Variants in DAB1 observed in about 807,000 individuals in gnomAD.
DAB1 encodes the protein DAB adaptor protein 1.
In DAB1, 15 loss-of-function variants were observed where a neutral mutation model predicts 64.6. That is an observed-to-expected ratio of 0.23 (90% CI 0.16 to 0.36). DAB1 has a LOEUF of 0.36. Ranked by LOEUF, DAB1 falls within the 10% of genes least tolerant of loss-of-function variation. The probability of loss-of-function intolerance (pLI) is 1.00; values close to 1 mark genes in which losing one functional copy is unlikely to be tolerated. For synonymous variants in DAB1, 235 were observed against 251.9 expected (o/e 0.93, Z 0.64); for missense variants, 596 against 706.7 (o/e 0.84, Z 1.78).
In DAB1 at chr1:58,105,609, G is replaced by A. The variant is rs142040001; in HGVS notation, n.387+44902C>T. Among the ~76,000 whole-genome samples, 175 of 152,286 alleles carry A rather than the reference G, an allele frequency of 1.1e-3. 2 individuals are homozygous for A. Among genetic ancestry groups the A allele is most frequent in the South Asian group, 7.5e-3 (36 of 4,818 alleles). ...TCAGGTTCCTCATTTATGAAATGTC[G>A]ATGATGATACATACCTGCTTCAACC... On this transcript the variant is annotated intron_variant and non_coding_transcript_variant, in intron 5 of 20. Transcript: ENST00000485760.
At position 57,249,284 on chromosome 1, in the gene DAB1, C is replaced by A. The variant is rs564887232; in HGVS notation, c.67+41680G>T. ...CATCCTATTGAGTATCATGCCCAGGCCTTATTCTAGAAGCTGGACATTTAT... is the reference window on the plus strand; with the variant it reads ...CATCCTATTGAGTATCATGCCCAGGACTTATTCTAGAAGCTGGACATTTAT... On this transcript the variant is annotated intron_variant, in intron 2 of 14. Transcript: ENST00000371236. Among the ~76,000 whole-genome samples the A allele has an allele frequency of 6.6e-5, 10 of 152,240 alleles. No individual in the cohort carries two copies. The South Asian group carries it at 1.7e-3, about 25-fold the overall frequency.
intron 4 of DAB1, among the ~76,000 whole-genome samples, chr1:58,251,475 G>T (rs903656895): frequency 2.0e-5 from 3 of 152,200 alleles, no homozygotes; most frequent in African/African-American, 7.2e-5. Flanking sequence ...ACATCAGGCT[G>T]GGCATTTGGG....
At chr1:57,649,811 T>C (rs1646235288) in intron 6 of DAB1, 2 of 152,142 alleles carry the variant, frequency 1.3e-5, no homozygotes, top group African/African-American at 4.8e-5. Context: ...AAAATAAAAA[T>C]ACCACTGACG....
chr1:58,279,995 G>A (rs1354338893), intron 4 of DAB1, among the ~76,000 whole-genome samples: 1 of 152,056 alleles, frequency 6.6e-6, no homozygotes, highest in Non-Finnish European at 1.5e-5. Context: ...CAAGTGATCA[G>A]GCCTAACCAT....
At chr1:57,880,115 CT>C (rs752112495) in intron 1 of DAB1, 20 of 152,170 alleles carry the variant, frequency 1.3e-4, no homozygotes, top group South Asian at 2.1e-4. Flanking sequence ...CCTACCCCCC[CT>C]AGTACCTTTG....
rs184273953 is a variant in DAB1 at position 57,441,683 on chromosome 1, T to C, written n.626-150517A>G. The stretch of plus-strand genomic sequence containing the variant: ...TCTATTTTCTTTATCCAGTCCACCA[T>C]TGATGGGCACCTAGTTTGATTCCAT... On this transcript the variant is annotated intron_variant and non_coding_transcript_variant, in intron 7 of 20. Coordinates refer to the DAB1 transcript ENST00000485760. Among the ~76,000 whole-genome samples the C allele has an allele frequency of 7.6e-4, 115 of 152,278 alleles. 1 individual carries two copies. In the South Asian group the frequency reaches 0.013, roughly 18 times the overall value.
chr1:57,177,938 C>T (rs1278864606), intron 2 of DAB1, among the ~76,000 whole-genome samples: 3 of 152,108 alleles, frequency 2.0e-5, no homozygotes, highest in African/African-American at 7.2e-5. Flanking sequence ...GACTTTGTCC[C>T]TTTGTCCTCC....
At chr1:57,814,300 C>T (rs1651757560) in intron 6 of DAB1, among the ~76,000 whole-genome samples, 1 of 152,174 alleles carries the variant, frequency 6.6e-6, no homozygotes, top group Non-Finnish European at 1.5e-5. Flanking sequence ...TCTGGCCACA[C>T]ATCAAGTTTT....
chr1:57,946,086 C>T (rs999132587), intron 5 of DAB1, among the ~76,000 whole-genome samples: 4 of 152,186 alleles, frequency 2.6e-5, no homozygotes, highest in African/African-American at 9.7e-5. Flanking sequence ...GTGACAGATA[C>T]AGAACTGGGA....
intron 6 of DAB1, among the ~76,000 whole-genome samples, chr1:57,742,698 C>T (rs1416439117): frequency 6.6e-6 from 1 of 152,090 alleles, no homozygotes; most frequent in African/African-American, 2.4e-5. Flanking sequence ...AGGAAAAGGA[C>T]AGGGCTGTCT....
At chr1:58,492,635 C>T (rs941901310) in intron 3 of DAB1, among the ~76,000 whole-genome samples, 31 of 152,182 alleles carry the variant, frequency 2.0e-4, no homozygotes, top group Admixed American at 2.0e-4. Flanking sequence ...ATACTATAAA[C>T]ACCTCTACAC....
At chr1:58,028,252 T>C (rs577857109) in intron 5 of DAB1, among the ~76,000 whole-genome samples, 89 of 152,356 alleles carry the variant, frequency 5.8e-4, no homozygotes, top group Middle Eastern at 6.8e-3. Flanking sequence ...AAGGCTCTGG[T>C]CAAAACATTT....
intron 5 of DAB1, among the ~76,000 whole-genome samples, chr1:57,935,128 A>C (rs1645006944): frequency 6.6e-6 from 1 of 152,216 alleles, no homozygotes; most frequent in South Asian, 2.1e-4. Flanking sequence ...ATTAGTGAGG[A>C]AACCTGGCAC....
intron 5 of DAB1, among the ~76,000 whole-genome samples, chr1:57,924,485 A>G (rs948335191): frequency 3.9e-5 from 6 of 152,096 alleles, no homozygotes; most frequent in Non-Finnish European, 8.8e-5. Flanking sequence ...TTTTTGAGAC[A>G]GTCTCGCTTT....
chr1:57,531,911 G>C (rs946751647), intron 7 of DAB1, among the ~76,000 whole-genome samples: 2 of 152,174 alleles, frequency 1.3e-5, no homozygotes, highest in East Asian at 3.9e-4. Context: ...CATTTCTACT[G>C]GCTACCTATT....
chr1:58,033,689 T>C (rs902313179), intron 5 of DAB1, among the ~76,000 whole-genome samples: 5 of 152,216 alleles, frequency 3.3e-5, no homozygotes, highest in African/African-American at 9.6e-5. Flanking sequence ...GTATAAATAT[T>C]TGTTGAGTAG....
chr1:57,465,958 G>A (rs1238412360), intron 7 of DAB1, among the ~76,000 whole-genome samples: 1 of 152,130 alleles, frequency 6.6e-6, no homozygotes, highest in Admixed American at 6.5e-5. Flanking sequence ...CTGACATCAT[G>A]ATGCACTAAG....
At chr1:58,305,134 A>G (rs1163416391) in intron 4 of DAB1, among the ~76,000 whole-genome samples, 1 of 152,106 alleles carries the variant, frequency 6.6e-6, no homozygotes, top group African/African-American at 2.4e-5. Context: ...AGGTGCAATT[A>G]CAGCACACTA....
chr1:57,946,207 C>G (rs1645181985), intron 5 of DAB1, among the ~76,000 whole-genome samples: 1 of 152,226 alleles, frequency 6.6e-6, no homozygotes, highest in African/African-American at 2.4e-5. Flanking sequence ...AAAGAAGTCA[C>G]AGATGCCTTT....
Sources: gnomAD v4.1 joint callset for allele counts (sites outside exome capture counted in the v4.1 genomes callset) on GRCh38, gnomAD v4.1.1 for gene constraint, MANE v1.5 for transcripts, NCBI Gene and HGNC (gene_info 2026-07-23, HGNC 2026-07-21) for gene names.